PTPRD: variants seen among roughly 807,000 people sequenced by gnomAD.
The protein encoded by PTPRD is receptor-type tyrosine-protein phosphatase delta.
Under a neutral mutation model 214.5 loss-of-function variants are expected in PTPRD, and 34 were observed. The ratio of observed to expected loss-of-function variants is 0.16; its 90% confidence interval spans 0.12 to 0.21. The LOEUF (loss-of-function observed/expected upper bound fraction) is 0.21, where lower values mean the gene tolerates loss of function less well. Ranked by LOEUF, PTPRD falls within the 10% of genes least tolerant of loss-of-function variation. The pLI is 1.00. For synonymous variants in PTPRD, 1,128 were observed against 845.7 expected (o/e 1.33, Z -5.79); for missense variants, 2,545 against 2,398.7 (o/e 1.06, Z -1.27).
intron 10 of PTPRD, among the ~76,000 whole-genome samples, chr9:9,024,738 T>C (rs2099581569): frequency 6.6e-6 from 1 of 151,988 alleles, no homozygotes; most frequent in South Asian, 2.1e-4. Flanking sequence ...TCATGTATTG[T>C]TGCCTACTTA....
chr9:10,278,678 T>G (rs1006500691), intron 3 of PTPRD, among the ~76,000 whole-genome samples: 6 of 152,160 alleles, frequency 3.9e-5, no homozygotes, highest in Admixed American at 1.3e-4. Flanking sequence ...ACTTTACTAC[T>G]GATTCGAAGA....
chr9:8,524,516 C>T (rs547505061), intron 18 of PTPRD, among the ~76,000 whole-genome samples: 11 of 151,992 alleles, frequency 7.2e-5, no homozygotes, highest in Non-Finnish European at 1.5e-4. Flanking sequence ...CACCTTTATG[C>T]TTGGAATTGC....
At chr9:10,114,189 A>G (rs2098712529) in intron 3 of PTPRD, among the ~76,000 whole-genome samples, 1 of 152,196 alleles carries the variant, frequency 6.6e-6, no homozygotes. Context: ...CCTTGGTTTT[A>G]TCACCCACAA....
intron 6 of PTPRD, among the ~76,000 whole-genome samples, chr9:9,751,212 G>C (rs1296334519): frequency 1.3e-5 from 2 of 151,866 alleles, no homozygotes; most frequent in Non-Finnish European, 2.9e-5. Context: ...CCCATTATTA[G>C]ACTTCCTAGG....
At chr9:9,176,710 C>A (rs895601696) in intron 10 of PTPRD, among the ~76,000 whole-genome samples, 44 of 151,972 alleles carry the variant, frequency 2.9e-4, no homozygotes, top group Non-Finnish European at 1.3e-4. Context: ...AAGTTCTGTC[C>A]CCATTTACTC....
chr9:10,040,547 C>A, intron 3 of PTPRD, among the ~76,000 whole-genome samples: 1 of 151,974 alleles, frequency 6.6e-6, no homozygotes, highest in Non-Finnish European at 1.5e-5. Flanking sequence ...AACAGACTAT[C>A]CAGCTATGTA....
chr9:9,446,378 A>G (rs1348461404), intron 8 of PTPRD, among the ~76,000 whole-genome samples: 1 of 152,160 alleles, frequency 6.6e-6, no homozygotes, highest in Non-Finnish European at 1.5e-5. Context: ...CCATCTACTT[A>G]ATATACCTGT....
intron 3 of PTPRD, among the ~76,000 whole-genome samples, chr9:10,230,664 GTTCTTAAAGT>G (rs1253247712): frequency 1.3e-5 from 2 of 151,932 alleles, no homozygotes; most frequent in Non-Finnish European, 2.9e-5. Context: ...TTTTGTGGTT[GTTCTTAAAGT>G]TTCATCCAAG....
chr9:9,424,338 C>T (rs979872719), intron 8 of PTPRD, among the ~76,000 whole-genome samples: 20 of 152,110 alleles, frequency 1.3e-4, no homozygotes, highest in Non-Finnish European at 1.9e-4. Flanking sequence ...TGGTAATGTT[C>T]GAAAGAAGCA....
At chr9:10,479,314 A>G (rs1031708169) in intron 2 of PTPRD, among the ~76,000 whole-genome samples, 5 of 152,108 alleles carry the variant, frequency 3.3e-5, no homozygotes, top group Non-Finnish European at 7.3e-5. Flanking sequence ...GCCAATCTTC[A>G]TATTTCAGGC....
intron 2 of PTPRD, among the ~76,000 whole-genome samples, chr9:10,602,154 T>C (rs192092058): frequency 2.7e-4 from 41 of 151,958 alleles, no homozygotes; most frequent in Admixed American, 2.5e-3. Context: ...TGCTTTGCCA[T>C]CTTGTGGTAT....
At chr9:9,619,787 C>T (rs941447278) in intron 7 of PTPRD, among the ~76,000 whole-genome samples, 3 of 145,666 alleles carry the variant, frequency 2.1e-5, no homozygotes, top group Non-Finnish European at 4.5e-5. Context: ...ATACAAATAT[C>T]TATCTATATA....
chr9:9,192,677 A>G (rs890391651), intron 9 of PTPRD, among the ~76,000 whole-genome samples: 17 of 152,104 alleles, frequency 1.1e-4, no homozygotes, highest in African/African-American at 4.1e-4. Context: ...TTAATATGAA[A>G]GACTCTTCAG....
intron 11 of PTPRD, among the ~76,000 whole-genome samples, chr9:8,782,596 C>CTTT (rs35513651): frequency 8.5e-6 from 1 of 117,362 alleles, no homozygotes; most frequent in African/African-American, 3.2e-5. Context: ...ATACTTAACG[C>CTTT]TTTTTTTTTT....
chr9:8,573,079 T>G (rs964617796), intron 14 of PTPRD, among the ~76,000 whole-genome samples: 1 of 152,024 alleles, frequency 6.6e-6, no homozygotes, highest in African/African-American at 2.4e-5. Flanking sequence ...ATCCTCAATT[T>G]AAACTCCTAT....
chr9:10,389,794 G>T (rs2098017273), intron 2 of PTPRD, among the ~76,000 whole-genome samples: 1 of 151,562 alleles, frequency 6.6e-6, no homozygotes, highest in South Asian at 2.1e-4. Flanking sequence ...TATTAGTTCG[G>T]TTTCTCCATG....
chr9:9,440,826 T>A (rs1027352897), intron 8 of PTPRD, among the ~76,000 whole-genome samples: 59 of 152,184 alleles, frequency 3.9e-4, no homozygotes, highest in African/African-American at 1.4e-3. Flanking sequence ...CAAGGTATAA[T>A]GATTCATGAT....
At chr9:10,086,132 C>T (rs905946658) in intron 3 of PTPRD, among the ~76,000 whole-genome samples, 11 of 151,618 alleles carry the variant, frequency 7.3e-5, no homozygotes, top group African/African-American at 2.7e-4. Context: ...ATATTGGGGG[C>T]ACGTAATGAG....
At chr9:9,263,869 T>C (rs1240138836) in intron 9 of PTPRD, among the ~76,000 whole-genome samples, 1 of 151,520 alleles carries the variant, frequency 6.6e-6, no homozygotes, top group African/African-American at 2.4e-5. Context: ...AGTGTCTGGG[T>C]GCAATATACC....
Sources: gnomAD v4.1 joint callset for allele counts (sites outside exome capture counted in the v4.1 genomes callset) on GRCh38, gnomAD v4.1.1 for gene constraint, MANE v1.5 for transcripts, NCBI Gene and HGNC (gene_info 2026-07-23, HGNC 2026-07-21) for gene names.